The following PHF24 variants were observed in gnomAD, a reference collection of about 807,000 sequenced individuals.
PHF24 encodes the protein Galpha inhibitory interacting protein.
Under a neutral mutation model 42.6 loss-of-function variants are expected in PHF24, and 25 were observed. That is an observed-to-expected ratio of 0.59 (90% CI 0.43 to 0.82). PHF24 has a LOEUF of 0.82. PHF24 is among the 40% of genes least tolerant of loss of function. The pLI is 0.00. For synonymous variants in PHF24, 185 were observed against 204.8 expected (o/e 0.90, Z 0.83); for missense variants, 470 against 538.1 (o/e 0.87, Z 1.25).
the PHF24 span, among the ~76,000 whole-genome samples, chr9:34,713,480 C>A: frequency 6.6e-6 from 1 of 151,532 alleles, no homozygotes; most frequent in African/African-American, 2.4e-5. Flanking sequence ...AGACCAGCAA[C>A]CTCTCCCTTC....
chr9:34,939,391 A>T, the PHF24 span, among the ~76,000 whole-genome samples: 1 of 152,342 alleles, frequency 6.6e-6, no homozygotes, highest in East Asian at 1.9e-4. Flanking sequence ...TATTGGGGGA[A>T]ATGCCTGCAA....
chr9:34,832,260 A>G, the PHF24 span: 310 of 522,060 alleles, frequency 5.9e-4, 3 homozygotes, highest in Middle Eastern at 1.0e-3. Flanking sequence ...CTCCTTGAGC[A>G]GACCAATGTT....
the PHF24 span, among the ~76,000 whole-genome samples, chr9:34,814,639 A>G: frequency 6.3e-4 from 96 of 152,350 alleles, no homozygotes; most frequent in Non-Finnish European, 1.1e-3. Context: ...TGTGAGTAAT[A>G]AAGTCCTTTA....
the PHF24 span, among the ~76,000 whole-genome samples, chr9:34,739,892 G>A: frequency 2.0e-5 from 3 of 152,178 alleles, no homozygotes; most frequent in East Asian, 1.9e-4. Flanking sequence ...TGATTGGTGC[G>A]TTTACAATCC....
At chr9:34,812,288 A>G in the PHF24 span, among the ~76,000 whole-genome samples, 1 of 152,304 alleles carries the variant, frequency 6.6e-6, no homozygotes, top group South Asian at 2.1e-4. Context: ...AAAAAAAAGG[A>G]AAATAATGTG....
At chr9:34,754,539 C>T in the PHF24 span, among the ~76,000 whole-genome samples, 1 of 151,906 alleles carries the variant, frequency 6.6e-6, no homozygotes, top group Non-Finnish European at 1.5e-5. Flanking sequence ...AGTTTTTATC[C>T]AAAAGACAGG....
the PHF24 span, chr9:34,833,578 A>G: frequency 3.2e-6 from 5 of 1,550,662 alleles, no homozygotes; most frequent in South Asian, 5.9e-5. Flanking sequence ...TCCTTGCCCT[A>G]ATGGGAATTC....
the PHF24 span, among the ~76,000 whole-genome samples, chr9:34,682,053 C>T: frequency 5.0e-5 from 1 of 19,880 alleles, no homozygotes; most frequent in Admixed American, 3.8e-4. Flanking sequence ...CGGCTCACTG[C>T]AGTCTCAACC....
At chr9:34,970,717 G>T (rs1193444444) in intron 1 of PHF24, among the ~76,000 whole-genome samples, 1 of 152,158 alleles carries the variant, frequency 6.6e-6, no homozygotes, top group African/African-American at 2.4e-5. Flanking sequence ...GGAGAAATTT[G>T]GATTCTGAAG....
the PHF24 span, among the ~76,000 whole-genome samples, chr9:34,794,791 A>C: frequency 2.0e-5 from 3 of 152,180 alleles, no homozygotes; most frequent in Non-Finnish European, 2.9e-5. Context: ...ACAGAATATA[A>C]AGATTTTTTA....
At chr9:34,927,777 C>T in the PHF24 span, among the ~76,000 whole-genome samples, 85 of 152,272 alleles carry the variant, frequency 5.6e-4, no homozygotes, top group East Asian at 0.013. Flanking sequence ...ACTCTCCCTT[C>T]CACACTCCAG....
At chr9:34,919,691 T>TACACACACACACACAC in the PHF24 span, among the ~76,000 whole-genome samples, 908 of 148,284 alleles carry the variant, frequency 6.1e-3, 4 homozygotes, top group Non-Finnish European at 8.0e-3. Flanking sequence ...ACCCAGTAAT[T>TACACACACACACACAC]ACACACACAC....
At chr9:34,963,914 C>T (rs1311718747) in intron 1 of PHF24, among the ~76,000 whole-genome samples, 10 of 152,176 alleles carry the variant, frequency 6.6e-5, no homozygotes, top group Admixed American at 6.5e-4. Flanking sequence ...AGAGAAAAGA[C>T]ACTATGATCT....
chr9:34,948,611 G>A, the PHF24 span, among the ~76,000 whole-genome samples: 1 of 152,316 alleles, frequency 6.6e-6, no homozygotes, highest in Non-Finnish European at 1.5e-5. Flanking sequence ...TTTAAGCCTA[G>A]GAGGAATAGA....
the PHF24 span, among the ~76,000 whole-genome samples, chr9:34,786,749 C>A: frequency 1.3e-5 from 2 of 152,174 alleles, no homozygotes; most frequent in African/African-American, 2.4e-5. Context: ...GGAGGAGCCA[C>A]TGGTTTGTGC....
the PHF24 span, among the ~76,000 whole-genome samples, chr9:34,706,096 C>T: frequency 6.6e-6 from 1 of 151,826 alleles, no homozygotes; most frequent in South Asian, 2.1e-4. Context: ...AGATGAGTGA[C>T]GAAGGAAAAG....
the PHF24 span, among the ~76,000 whole-genome samples, chr9:34,696,910 A>C: frequency 3.9e-5 from 6 of 152,268 alleles, no homozygotes; most frequent in Non-Finnish European, 7.4e-5. Flanking sequence ...GCCCGTAGCA[A>C]GTTTAATCCT....
the PHF24 span, among the ~76,000 whole-genome samples, chr9:34,754,684 C>A: frequency 1.3e-5 from 2 of 151,948 alleles, no homozygotes; most frequent in Admixed American, 6.6e-5. Context: ...ACCATATGAC[C>A]CAGCAATCCC....
the PHF24 span, among the ~76,000 whole-genome samples, chr9:34,891,666 C>T: frequency 1.3e-5 from 2 of 152,228 alleles, no homozygotes; most frequent in African/African-American, 4.8e-5. Context: ...GGAATCCTAG[C>T]AGCCTCTGGG....
Sources: allele counts gnomAD v4.1 joint callset (sites outside exome capture counted in the v4.1 genomes callset), GRCh38; gene constraint gnomAD v4.1.1; transcripts MANE v1.5; gene names NCBI Gene and HGNC (gene_info 2026-07-23, HGNC 2026-07-21).